The following PDE2A variants were observed in gnomAD, a reference collection of about 807,000 sequenced individuals.
PDE2A encodes the protein phosphodiesterase 2A.
In PDE2A, 53 loss-of-function variants were observed where a neutral mutation model predicts 133.6. That is an observed-to-expected ratio of 0.40 (90% CI 0.32 to 0.50). PDE2A has a LOEUF of 0.50. Among genes scored for constraint, PDE2A ranks in the 20% least tolerant of loss-of-function variants. The pLI is 0.73. For synonymous variants in PDE2A, 491 were observed against 490.2 expected (o/e 1.00, Z -0.02); for missense variants, 796 against 1,232.4 (o/e 0.65, Z 5.30).
chr11:72,590,516 G>C lies in PDE2A; in HGVS notation c.614C>G (p.Ala205Gly). 6.8e-7 allele frequency: 1 copy of C among 1,470,884 alleles called. No homozygotes were observed. Among genetic ancestry groups the C allele is most frequent in the Non-Finnish European group, 9.0e-7 (1 of 1,116,834 alleles). 91.1% of individuals were successfully genotyped at this position (1,470,884 alleles called of 1,614,324 possible). ...CGTCCCCTCCGGGGGGTTCTGGACG[G>C]CTCGGGGAGCCTCCCTGGGCCCGCG... is the stretch of plus-strand genomic sequence containing the variant. ...QQRGPREAPR[A>G]VQNPPEGTAE... The change falls in exon 8 of 31, where the codon GCC becomes GGC. Residue 205 changes from alanine (A) to glycine (G), a missense_variant. Physicochemically the swap from Ala to Gly is moderately conservative, Grantham distance 60. This residue lies in a region of PDE2A where 417 missense variants were observed against 475.3 expected (regional missense o/e 0.88). Transcript: ENST00000334456. This position sits in a 1 kb window ranked among gnomAD's most constrained non-coding sequence, Gnocchi z 4.8.
chr11:72,638,567 C>T (rs887976447), intron 2 of PDE2A, among the ~76,000 whole-genome samples: 1 of 152,210 alleles, frequency 6.6e-6, no homozygotes, highest in Admixed American at 6.5e-5. Context: ...TGGCTGGACA[C>T]AGAAGGTAGG....
chr11:72,673,413 A>C (rs975090430), intron 1 of PDE2A, among the ~76,000 whole-genome samples: 1 of 151,232 alleles, frequency 6.6e-6, no homozygotes, highest in Non-Finnish European at 1.5e-5. Flanking sequence ...ACACACACAC[A>C]CACACATACC....
At chr11:72,633,777 G>A (rs1048579390) in intron 2 of PDE2A, among the ~76,000 whole-genome samples, 4 of 152,160 alleles carry the variant, frequency 2.6e-5, no homozygotes, top group African/African-American at 7.2e-5. Flanking sequence ...GAGGAAGGGA[G>A]GGCAGCTCAG....
chr11:72,666,031 C>T (rs1415619607), intron 1 of PDE2A, among the ~76,000 whole-genome samples: 1 of 152,164 alleles, frequency 6.6e-6, no homozygotes, highest in Non-Finnish European at 1.5e-5. Context: ...CTCCATGCTC[C>T]ATGGAACAGT....
chr11:72,602,640 C>G (rs1856808432), intron 4 of PDE2A, among the ~76,000 whole-genome samples: 1 of 152,214 alleles, frequency 6.6e-6, no homozygotes, highest in Admixed American at 6.5e-5. Context: ...CTCAAGGTCA[C>G]TCAAGGCTAA....
chr11:72,613,406 G>A (rs950973109), intron 2 of PDE2A, among the ~76,000 whole-genome samples: 2 of 151,744 alleles, frequency 1.3e-5, no homozygotes, highest in Non-Finnish European at 2.9e-5. Flanking sequence ...TCTGTAAAGG[G>A]AAGGGTCCTT....
intron 1 of PDE2A, among the ~76,000 whole-genome samples, chr11:72,673,114 TAACA>T (rs941073850): frequency 2.6e-5 from 4 of 151,944 alleles, no homozygotes; most frequent in Non-Finnish European, 4.4e-5. Context: ...ATTCACACAC[TAACA>T]AATACACACA....
intron 2 of PDE2A, among the ~76,000 whole-genome samples, chr11:72,612,466 G>A (rs370416881): frequency 2.0e-5 from 3 of 152,104 alleles, no homozygotes; most frequent in African/African-American, 7.2e-5. Context: ...GAAAAGAGCC[G>A]CAATTTCCAA....
In PDE2A at chr11:72,659,631, AG is replaced by A. The variant is rs1408299881; in HGVS notation, c.71+14505del. Among the ~76,000 whole-genome samples the A allele has an allele frequency of 3.9e-5, 6 of 152,224 alleles. No homozygotes were observed. In the East Asian group the frequency reaches 1.2e-3, roughly 29 times the overall value. On this transcript the variant is annotated intron_variant, in intron 1 of 30. Coordinates refer to ENST00000334456, the MANE Select transcript of PDE2A (RefSeq NM_002599.5). ...GAACAAAAGTGACCCCCTTCTTTTC[AG>A]GGAATTGTTAATCTATAGAGTGGGG...
At chr11:72,580,123 C>CA (rs1855655613) in intron 25 of PDE2A, among the ~76,000 whole-genome samples, 1 of 152,088 alleles carries the variant, frequency 6.6e-6, no homozygotes, top group African/African-American at 2.4e-5. Flanking sequence ...CAAGCAGGGG[C>CA]AGCCTCTGGA....
rs147574122 is a variant in PDE2A, at chr11:72,577,582, G to T, written c.2628C>A (p.Asp876Glu). 47 of 1,595,136 alleles carry T rather than the reference G, an allele frequency of 2.9e-5. No homozygotes were observed. The African/African-American group carries it at 6.1e-4, about 21-fold the overall frequency. ...IAMPIYKLLQ[D>E]LFPKAAELYE... ...ACAGCTCTGCCGCTTTGGGGAACAG[G>T]TCCTGCAACAGCCTGCGGGTGCATG... The change falls in exon 31 of 31, where the codon GAC becomes GAA. Residue 876 changes from aspartate (D) to glutamate (E), a missense_variant. Physicochemically the swap from Asp to Glu is conservative, Grantham distance 45. Coordinates refer to ENST00000334456, the MANE Select transcript of PDE2A (RefSeq NM_002599.5).
chr11:72,648,055 C>CA (rs1253892817), intron 1 of PDE2A, among the ~76,000 whole-genome samples: 1 of 152,192 alleles, frequency 6.6e-6, no homozygotes, highest in Non-Finnish European at 1.5e-5. Flanking sequence ...CCAGGAATAG[C>CA]ATGTGCGTGC....
At chr11:72,667,869 T>TTA (rs1555006378) in intron 1 of PDE2A, among the ~76,000 whole-genome samples, 1 of 133,330 alleles carries the variant, frequency 7.5e-6, no homozygotes, top group Non-Finnish European at 1.6e-5. Flanking sequence ...CTGTCTCTAT[T>TTA]AAAAAAAAAA....
intron 1 of PDE2A, among the ~76,000 whole-genome samples, chr11:72,670,214 C>T (rs956601852): frequency 2.0e-5 from 3 of 150,768 alleles, no homozygotes; most frequent in Non-Finnish European, 4.4e-5. Flanking sequence ...GCCCCAATGG[C>T]CCCTCCTCCT....
chr11:72,649,651 T>C (rs916503718), intron 1 of PDE2A, among the ~76,000 whole-genome samples: 4 of 152,164 alleles, frequency 2.6e-5, no homozygotes, highest in Non-Finnish European at 5.9e-5. Flanking sequence ...TCTGAACCCC[T>C]TTCTGGAGTC....
chr11:72,650,876 T>TAAAC (rs1854718927), intron 1 of PDE2A, among the ~76,000 whole-genome samples: 1 of 130,314 alleles, frequency 7.7e-6, no homozygotes, highest in Non-Finnish European at 1.6e-5. Flanking sequence ...CAGTCCCCAC[T>TAAAC]ACACACACAC....
At chr11:72,598,814 C>T (rs1856602471) in intron 4 of PDE2A, 1 of 985,304 alleles carries the variant, frequency 1.0e-6, no homozygotes, top group Middle Eastern at 5.2e-4. Context: ...CCTTCCTGGC[C>T]ACTTTAAGTA....
chr11:72,636,087 C>G, intron 2 of PDE2A: 3 of 1,245,288 alleles, frequency 2.4e-6, no homozygotes, highest in Non-Finnish European at 3.1e-6. Context: ...GGGTGGGAGA[C>G]AGGAAAGGCA....
At chr11:72,616,070 G>A (rs1256433169) in intron 2 of PDE2A, among the ~76,000 whole-genome samples, 1 of 152,184 alleles carries the variant, frequency 6.6e-6, no homozygotes, top group Non-Finnish European at 1.5e-5. Flanking sequence ...AAGTCCAGGA[G>A]CCTCCAAGAG....
Sources: gnomAD v4.1 joint callset for allele counts (sites outside exome capture counted in the v4.1 genomes callset) on GRCh38, gnomAD v4.1.1 for gene constraint, gnomAD v4.1.1 regional missense constraint, Gnocchi (gnomAD v3.1) non-coding constraint, MANE v1.5 for transcripts, NCBI Gene and HGNC (gene_info 2026-07-23, HGNC 2026-07-21) for gene names.